Variants in ROBO2 observed in about 807,000 individuals in gnomAD.
ROBO2 encodes roundabout homolog 2.
ROBO2 carries 53 observed loss-of-function variants against 160.8 expected under a neutral mutation model. The observed-to-expected ratio is 0.33, with a 90% CI of 0.26 to 0.41. ROBO2 has a LOEUF of 0.41. ROBO2 is among the 10% of genes least tolerant of loss of function. The pLI is 1.00. For missense variants in ROBO2, 1,577 were observed against 1,722.4 expected (o/e 0.92, Z 1.49); for synonymous variants, 664 against 611.7 (o/e 1.09, Z -1.26).
At chr3:75,977,782 A>G (rs1158262106) in intron 2 of ROBO2, among the ~76,000 whole-genome samples, 2 of 151,526 alleles carry the variant, frequency 1.3e-5, no homozygotes, top group Admixed American at 6.6e-5. Context: ...TGCATTATAC[A>G]TTATTTTCTG....
At chr3:76,319,340 T>G (rs2072315479) in intron 2 of ROBO2, among the ~76,000 whole-genome samples, 1 of 152,152 alleles carries the variant, frequency 6.6e-6, no homozygotes, top group Admixed American at 6.6e-5. Context: ...ATCCGTATAT[T>G]AAGTAAGTGT....
At chr3:77,493,696 G>A (rs955297901) in intron 5 of ROBO2, among the ~76,000 whole-genome samples, 2 of 151,966 alleles carry the variant, frequency 1.3e-5, no homozygotes, top group Non-Finnish European at 2.9e-5. Context: ...CCTGCAGAAT[G>A]CCCCCTGCAG....
intron 2 of ROBO2, among the ~76,000 whole-genome samples, chr3:77,466,347 A>G (rs1030324881): frequency 4.6e-5 from 7 of 152,124 alleles, no homozygotes; most frequent in Non-Finnish European, 1.0e-4. Context: ...AAGCATGTGG[A>G]ATATGTTTTT....
In ROBO2 at chr3:76,826,000, T is replaced by A. The variant is rs935537778; in HGVS notation, c.110-272014T>A. On this transcript the variant is annotated intron_variant, in intron 2 of 26. Coordinates refer to the ROBO2 transcript ENST00000487694. ...GAAAAATCTGTTGACGAGATTTTTT[T>A]TTTTTCAAATCAAAAGCATTCTTTT... 2.0e-5 allele frequency among the ~76,000 whole-genome samples: 3 copies of A among 152,056 alleles called. No individual in the cohort carries two copies. The South Asian group carries it at 6.2e-4, about 31-fold the overall frequency.
chr3:76,283,136 G>GTATATATATATATATATATATATATATA (rs547807116), intron 2 of ROBO2, among the ~76,000 whole-genome samples: 5,650 of 62,732 alleles, frequency 0.09, 976 homozygotes, highest in Non-Finnish European at 0.12. Flanking sequence ...ATATAAAACT[G>GTATATATATATATATATATATATATATA]TATATATATA....
chr3:76,343,609 A>C (rs922774283), intron 2 of ROBO2, among the ~76,000 whole-genome samples: 64 of 152,030 alleles, frequency 4.2e-4, no homozygotes, highest in African/African-American at 1.5e-3. Flanking sequence ...GCACCAACCT[A>C]ATATAAATAT....
chr3:76,640,515 A>G (rs1473730870), intron 2 of ROBO2, among the ~76,000 whole-genome samples: 2 of 151,830 alleles, frequency 1.3e-5, no homozygotes, highest in Non-Finnish European at 2.9e-5. Context: ...AGCCTGGGCA[A>G]CGAGTGAAGC....
At chr3:76,686,835 A>C (rs192882403) in intron 2 of ROBO2, among the ~76,000 whole-genome samples, 1 of 152,218 alleles carries the variant, frequency 6.6e-6, no homozygotes, top group Non-Finnish European at 1.5e-5. Flanking sequence ...AATAAATACT[A>C]TAATATAAAA....
rs562936131 is a variant in ROBO2, at chr3:77,628,440, C to T, written c.3760+6008C>T. 5.6e-4 allele frequency among the ~76,000 whole-genome samples: 53 copies of T among 94,332 alleles called. No homozygotes were observed. The East Asian group carries it at 0.014, about 26-fold the overall frequency. The allele number at this position is 94,332 out of a possible 152,430, so 61.9% of individuals were successfully genotyped here. Reference sequence around the variant, plus strand: ...TCATTATCTTTTCTTCTCTCTCTCTCTTTTTGTGGGGGGGGGGTAATTGTT... The same window carrying T: ...TCATTATCTTTTCTTCTCTCTCTCTTTTTTTGTGGGGGGGGGGTAATTGTT... On this transcript the variant is annotated intron_variant, in intron 23 of 25. Coordinates refer to ENST00000461745, the Ensembl canonical transcript of ROBO2.
At chr3:77,334,838 G>C (rs2066326347) in intron 2 of ROBO2, among the ~76,000 whole-genome samples, 1 of 152,120 alleles carries the variant, frequency 6.6e-6, no homozygotes, top group African/African-American at 2.4e-5. Context: ...TGAAAACTCT[G>C]CACAGTCCAT....
In ROBO2 at chr3:76,707,792, T is replaced by G. The variant is rs147685698; in HGVS notation, c.110-390222T>G. 1.3e-4 allele frequency among the ~76,000 whole-genome samples: 19 copies of G among 150,074 alleles called. No individual in the cohort carries two copies. The East Asian group carries it at 3.8e-3, about 30-fold the overall frequency. On this transcript the variant is annotated intron_variant, in intron 2 of 26. Coordinates refer to the ROBO2 transcript ENST00000487694. The stretch of plus-strand genomic sequence containing the variant: ...TAAAAGCAAGGCTGAGATTTCTGTA[T>G]CAAGACAATTTCTCCAGACCACCCT...
chr3:77,433,481 A>T (rs1295945608), intron 2 of ROBO2, among the ~76,000 whole-genome samples: 1 of 75,452 alleles, frequency 1.3e-5, no homozygotes, highest in Non-Finnish European at 2.8e-5. Flanking sequence ...CTTCTCTGGC[A>T]ACTTGTATAT....
At chr3:77,312,368 G>A (rs564533024) in intron 2 of ROBO2, among the ~76,000 whole-genome samples, 2 of 152,106 alleles carry the variant, frequency 1.3e-5, no homozygotes, top group Non-Finnish European at 2.9e-5. Flanking sequence ...CAAATGATGA[G>A]TTTTACCTGT....
intron 2 of ROBO2, among the ~76,000 whole-genome samples, chr3:76,174,174 T>A (rs1334969907): frequency 6.6e-6 from 1 of 152,240 alleles, no homozygotes; most frequent in Non-Finnish European, 1.5e-5. Context: ...TTGAGAAGTT[T>A]CTGTTCATAT....
chr3:76,340,414 C>A (rs1183120301), intron 2 of ROBO2, among the ~76,000 whole-genome samples: 1 of 152,024 alleles, frequency 6.6e-6, no homozygotes, highest in Non-Finnish European at 1.5e-5. Context: ...TTTAGCCAAT[C>A]CTGGATGCCA....
chr3:76,314,461 T>C (rs2071834339), intron 2 of ROBO2, among the ~76,000 whole-genome samples: 2 of 151,988 alleles, frequency 1.3e-5, no homozygotes, highest in Non-Finnish European at 2.9e-5. Flanking sequence ...TTACATATAA[T>C]ATACATATGT....
chr3:77,313,602 T>G (rs1219143128), intron 2 of ROBO2, among the ~76,000 whole-genome samples: 3 of 152,150 alleles, frequency 2.0e-5, no homozygotes, highest in African/African-American at 7.2e-5. Context: ...TGTTTGTTTT[T>G]AAGATGGAGT....
chr3:77,591,920 C>T (rs921466190), intron 17 of ROBO2, among the ~76,000 whole-genome samples: 6 of 152,134 alleles, frequency 3.9e-5, no homozygotes, highest in South Asian at 2.1e-4. Context: ...AAATGCTGAT[C>T]AAAACACCAG....
At chr3:76,936,604 A>G (rs1203312109) in intron 2 of ROBO2, among the ~76,000 whole-genome samples, 1 of 151,626 alleles carries the variant, frequency 6.6e-6, no homozygotes, top group Non-Finnish European at 1.5e-5. Flanking sequence ...TACAATTACC[A>G]CTAACATGTT....
Sources: allele counts gnomAD v4.1 joint callset (sites outside exome capture counted in the v4.1 genomes callset), GRCh38; gene constraint gnomAD v4.1.1; transcripts MANE v1.5; gene names NCBI Gene and HGNC (gene_info 2026-07-23, HGNC 2026-07-21).